KCNJ16: variants seen among roughly 807,000 people sequenced by gnomAD.
The protein encoded by KCNJ16 is inward rectifier potassium channel 16.
Under a neutral mutation model 18.5 loss-of-function variants are expected in KCNJ16, and 15 were observed. That is an observed-to-expected ratio of 0.81 (90% CI 0.54 to 1.25). The LOEUF is 1.25. KCNJ16 is among the 50% of genes most tolerant of loss of function. The pLI is 0.00. For synonymous variants in KCNJ16, 174 were observed against 186.5 expected (o/e 0.93, Z 0.55); for missense variants, 523 against 525.7 (o/e 0.99, Z 0.05).
intron 2 of KCNJ16, among the ~76,000 whole-genome samples, chr17:70,119,705 C>T (rs2073555019): frequency 6.6e-6 from 1 of 152,146 alleles, no homozygotes; most frequent in African/African-American, 2.4e-5. Flanking sequence ...AGCAACAGGG[C>T]CCTAGGCCCT....
intron 1 of KCNJ16, among the ~76,000 whole-genome samples, chr17:70,078,734 G>C (rs2071421121): frequency 6.6e-6 from 1 of 152,076 alleles, no homozygotes; most frequent in South Asian, 2.1e-4. Flanking sequence ...GCAGAAAAAG[G>C]CATGTCTGTA....
chr17:70,125,581 C>G (rs969958737), intron 2 of KCNJ16, among the ~76,000 whole-genome samples: 1 of 151,970 alleles, frequency 6.6e-6, no homozygotes, highest in Non-Finnish European at 1.5e-5. Context: ...GGATCTTGCG[C>G]AAGAAAGAAT....
chr17:70,131,881 C>T, intron 3 of KCNJ16, 114 bp from the exon 4 acceptor site: 1 of 879,590 alleles, frequency 1.1e-6, no homozygotes, highest in Non-Finnish European at 1.7e-6. Flanking sequence ...ACCTAATGTT[C>T]AGATGAAGTC....
At chr17:70,102,951 T>C (rs1180583946) in intron 2 of KCNJ16, among the ~76,000 whole-genome samples, 1 of 151,736 alleles carries the variant, frequency 6.6e-6, no homozygotes. Context: ...TTCCTTTTTT[T>C]TGAGACAGGG....
chr17:70,132,951 C>T lies in KCNJ16; in HGVS notation c.864C>T (p.Ser288=), dbSNP rs754176962. 1.2e-6 allele frequency: 2 copies of T among 1,614,074 alleles called. No homozygotes were observed. Among genetic ancestry groups the T allele is most frequent in the East Asian group, 2.2e-5 (1 of 44,882 alleles). Reference sequence around the variant, plus strand: ...TGACATTTATCTATACTGGTGATTCCACTGGAACATCTCACCAATCTAGAA... The same window carrying T: ...TGACATTTATCTATACTGGTGATTCTACTGGAACATCTCACCAATCTAGAA... ...ILVTFIYTGD[S]TGTSHQSRSS... The change falls in exon 4 of 4, where the codon TCC becomes TCT. Residue 288 remains serine, a synonymous_variant. Transcript: ENST00000392671.
At chr17:70,114,817 T>C (rs2073338505) in intron 2 of KCNJ16, among the ~76,000 whole-genome samples, 1 of 152,202 alleles carries the variant, frequency 6.6e-6, no homozygotes, top group Non-Finnish European at 1.5e-5. Context: ...GGGTCTACAC[T>C]TGAAAGATGA....
chr17:70,084,411 G>A (rs756762793), intron 1 of KCNJ16, among the ~76,000 whole-genome samples: 9 of 152,184 alleles, frequency 5.9e-5, no homozygotes, highest in Non-Finnish European at 1.3e-4. Context: ...TGATAGAACG[G>A]CTTGCTTCTT....
At chr17:70,084,048 G>A (rs913979624) in intron 1 of KCNJ16, among the ~76,000 whole-genome samples, 1 of 152,308 alleles carries the variant, frequency 6.6e-6, no homozygotes, top group East Asian at 1.9e-4. Context: ...AGCAGGATGT[G>A]TAGGCACAGT....
intron 1 of KCNJ16, among the ~76,000 whole-genome samples, chr17:70,076,878 A>AC: frequency 6.6e-6 from 1 of 152,182 alleles, no homozygotes; most frequent in Non-Finnish European, 1.5e-5. Context: ...AATTAGTAAA[A>AC]CCTACCACTT....
At chr17:70,096,953 T>C in intron 1 of KCNJ16, 2 of 398,318 alleles carry the variant, frequency 5.0e-6, no homozygotes, top group Non-Finnish European at 4.4e-6. Context: ...ACTGAAGAGG[T>C]AACATGTCCT....
At chr17:70,086,621 T>C (rs1334056880) in intron 1 of KCNJ16, among the ~76,000 whole-genome samples, 3 of 152,150 alleles carry the variant, frequency 2.0e-5, no homozygotes, top group African/African-American at 7.2e-5. Context: ...GGGAAAAAAA[T>C]TGGCAGTTTT....
At chr17:70,130,683 AG>A (rs2144278270) in intron 2 of KCNJ16, among the ~76,000 whole-genome samples, 195 bp from the exon 3 acceptor site, 2 of 152,302 alleles carry the variant, frequency 1.3e-5, no homozygotes, top group South Asian at 4.2e-4. Flanking sequence ...GTTAGTTCCA[AG>A]GGGTCTTTAT....
intron 2 of KCNJ16, among the ~76,000 whole-genome samples, chr17:70,119,408 C>T (rs2073542390): frequency 6.6e-6 from 1 of 152,194 alleles, no homozygotes; most frequent in South Asian, 2.1e-4. Flanking sequence ...TTCCCCTCTG[C>T]CCTTCCCTAG....
rs1004357643 is a variant in KCNJ16 at position 70,130,959 on chromosome 17, C to T, written c.-110C>T. ...TGGGAAATCCTTTGGCCTATTATAC[C>T]ATGGATGCTAAAAATGGTAAGAGCT... On this transcript the variant is annotated 5_prime_UTR_variant, in exon 3 of 4. Coordinates refer to ENST00000392671, the MANE Select transcript of KCNJ16 (RefSeq NM_170741.4). 1.3e-6 allele frequency: 2 copies of T among 1,534,920 alleles called. No homozygotes were observed. The highest frequency in any genetic ancestry group is 1.4e-5 in the African/African-American group (1 of 72,892).
chr17:70,090,466 T>C (rs977629251), intron 1 of KCNJ16, among the ~76,000 whole-genome samples: 1 of 152,212 alleles, frequency 6.6e-6, no homozygotes, highest in Non-Finnish European at 1.5e-5. Context: ...ATTATGAGCC[T>C]CATTCTGGCA....
At chr17:70,106,747 C>T (rs1445987977) in intron 2 of KCNJ16, among the ~76,000 whole-genome samples, 1 of 152,130 alleles carries the variant, frequency 6.6e-6, no homozygotes, top group African/African-American at 2.4e-5. Context: ...GTCTGGTAAG[C>T]CCAATCTCTG....
rs549303795 is a variant in KCNJ16, at chr17:70,091,453, T to C, written c.-299-9205T>C. ...GGAGAGGCCTATGGAATAGTACGCA[T>C]TTACAGGGGTCAAAGAATCAAAATT... On this transcript the variant is annotated intron_variant, in intron 1 of 3. Coordinates refer to ENST00000392671, the MANE Select transcript of KCNJ16 (RefSeq NM_170741.4). 2.0e-5 allele frequency among the ~76,000 whole-genome samples: 3 copies of C among 152,282 alleles called. No homozygotes were observed. The South Asian group carries it at 6.2e-4, about 32-fold the overall frequency.
At chr17:70,078,054 G>C (rs2071392342) in intron 1 of KCNJ16, among the ~76,000 whole-genome samples, 1 of 152,144 alleles carries the variant, frequency 6.6e-6, no homozygotes, top group African/African-American at 2.4e-5. Flanking sequence ...TTAAACACAA[G>C]GGGTGGATGA....
chr17:70,076,654 G>A (rs1038810573), intron 1 of KCNJ16, among the ~76,000 whole-genome samples: 10 of 152,074 alleles, frequency 6.6e-5, no homozygotes, highest in African/African-American at 2.4e-4. Flanking sequence ...TTCTCAACAA[G>A]AATTTCAGCA....
Sources: allele counts gnomAD v4.1 joint callset (sites outside exome capture counted in the v4.1 genomes callset), GRCh38; gene constraint gnomAD v4.1.1; transcripts MANE v1.5; gene names NCBI Gene and HGNC (gene_info 2026-07-23, HGNC 2026-07-21).